Variants in TRPM3 observed in about 807,000 individuals in gnomAD.
The protein encoded by TRPM3 is long transient receptor potential channel 3.
In TRPM3, 77 loss-of-function variants were observed where a neutral mutation model predicts 181.2. That is an observed-to-expected ratio of 0.42 (90% confidence interval 0.35 to 0.51). TRPM3 has a LOEUF of 0.51. TRPM3 is among the 20% of genes least tolerant of loss of function. TRPM3 has a pLI of 0.01. For missense variants in TRPM3, 1,759 were observed against 2,196.7 expected, an observed-to-expected ratio of 0.80 and a Z score of 3.98; for synonymous variants, 745 against 796.4, an observed-to-expected ratio of 0.94 and a Z score of 1.09.
intron 1 of TRPM3, among the ~76,000 whole-genome samples, chr9:71,267,773 C>T (rs1396332875): frequency 2.6e-5 from 4 of 152,172 alleles, no homozygotes; most frequent in South Asian, 2.1e-4. Flanking sequence ...ACATGACGGA[C>T]AATGGCCTTG....
intron 1 of TRPM3, among the ~76,000 whole-genome samples, chr9:71,051,948 C>T (rs1037100200): frequency 2.0e-5 from 3 of 151,836 alleles, no homozygotes; most frequent in Non-Finnish European, 2.9e-5. Flanking sequence ...GGGTTGTTTC[C>T]GTATCTCGAA....
chr9:71,316,677 C>T (rs1363473168), intron 1 of TRPM3, among the ~76,000 whole-genome samples: 2 of 152,052 alleles, frequency 1.3e-5, no homozygotes, highest in Admixed American at 6.6e-5. Flanking sequence ...GGATCCTCTC[C>T]CAGAGCCTGC....
chr9:71,013,402 C>A (rs1188640542), intron 1 of TRPM3, among the ~76,000 whole-genome samples: 1 of 151,102 alleles, frequency 6.6e-6, no homozygotes, highest in African/African-American at 2.4e-5. Context: ...TTTTTGTGTT[C>A]TCTTTATAAT....
In TRPM3 at chr9:71,252,847, C is replaced by CTCTTTTTTTTT. The variant is rs1554854926; in HGVS notation, c.183+193805_183+193806insAAAAAAAAAGA. Among the ~76,000 whole-genome samples, 255 of 84,758 alleles carry CTCTTTTTTTTT rather than the reference C, an allele frequency of 3.0e-3. 8 individuals carry two copies. The highest frequency in any genetic ancestry group is 0.012 in the African/African-American group (238 of 19,116). 55.6% of individuals were successfully genotyped at this position (84,758 alleles called of 152,430 possible). ...ACACCTCGCCTGGCTAATTTTGTCT[C>CTCTTTTTTTTT]TTTTTTTTTTTTTTTTTTTTTTAGA... On this transcript the variant is annotated intron_variant, in intron 1 of 24. Transcript: ENST00000357533.
intron 1 of TRPM3, among the ~76,000 whole-genome samples, chr9:70,890,595 C>T (rs890912309): frequency 6.6e-5 from 10 of 151,162 alleles, no homozygotes; most frequent in African/African-American, 1.5e-4. Flanking sequence ...AAACATATTT[C>T]GTAAATAAGA....
rs1045222989 is a variant in TRPM3 at position 71,264,116 on chromosome 9, C to T, written c.183+182537G>A. On this transcript the variant is annotated intron_variant, in intron 1 of 24. Transcript: ENST00000357533. ...CCACTCTCACCTATTCTTATTAATC[C>T]TTACCCCTGATCTAGCCCACACAAT... Among the ~76,000 whole-genome samples, 4 of 152,074 alleles carry T rather than the reference C, an allele frequency of 2.6e-5. 1 individual carries two copies. The highest frequency in any genetic ancestry group is 2.6e-4 in the Admixed American group (4 of 15,276).
intron 22 of TRPM3, among the ~76,000 whole-genome samples, chr9:70,582,181 C>CGCGTGT (rs2055980138): frequency 6.7e-6 from 1 of 149,154 alleles, no homozygotes; most frequent in Admixed American, 6.7e-5. Context: ...CCACCCTGTG[C>CGCGTGT]GTGTGTGTGT....
intron 1 of TRPM3, among the ~76,000 whole-genome samples, chr9:71,412,163 A>G (rs566901916): frequency 6.6e-6 from 1 of 152,306 alleles, no homozygotes; most frequent in East Asian, 1.9e-4. Context: ...AAACCTAGGC[A>G]ATACCATTCA....
intron 1 of TRPM3, among the ~76,000 whole-genome samples, chr9:71,436,724 T>C (rs1563930567): frequency 6.6e-6 from 1 of 152,076 alleles, no homozygotes; most frequent in East Asian, 1.9e-4. Flanking sequence ...GGCAAGCAAA[T>C]AGATTTTCAT....
intron 8 of TRPM3, among the ~76,000 whole-genome samples, chr9:70,684,398 G>T (rs759101113): frequency 9.9e-5 from 15 of 152,128 alleles, no homozygotes; most frequent in Non-Finnish European, 1.9e-4. Flanking sequence ...AGTGACCCAG[G>T]GTGTGGGAGG....
intron 1 of TRPM3, among the ~76,000 whole-genome samples, chr9:70,888,663 G>T (rs1192600556): frequency 6.6e-6 from 1 of 152,086 alleles, no homozygotes; most frequent in East Asian, 1.9e-4. Flanking sequence ...CTGAGCCAGT[G>T]ATAGTTCACT....
intron 1 of TRPM3, among the ~76,000 whole-genome samples, chr9:71,337,255 T>G (rs2090624590): frequency 6.6e-6 from 1 of 151,950 alleles, no homozygotes; most frequent in Admixed American, 6.6e-5. Context: ...AACAACCCCA[T>G]CAAAAAATGG....
intron 1 of TRPM3, among the ~76,000 whole-genome samples, chr9:71,406,575 G>C (rs534690406): frequency 1.8e-4 from 27 of 152,144 alleles, no homozygotes; most frequent in African/African-American, 5.5e-4. Context: ...TTTTTAAATA[G>C]AGAAAATAGA....
intron 1 of TRPM3, among the ~76,000 whole-genome samples, chr9:71,343,739 A>G (rs1055463713): frequency 7.2e-5 from 11 of 152,162 alleles, no homozygotes; most frequent in Non-Finnish European, 1.6e-4. Flanking sequence ...GGTTTCTAAC[A>G]TAGAATTTCC....
chr9:71,028,530 A>G (rs1047411747), intron 1 of TRPM3, among the ~76,000 whole-genome samples: 1 of 152,174 alleles, frequency 6.6e-6, no homozygotes, highest in Non-Finnish European at 1.5e-5. Context: ...AGTTACATAA[A>G]TAACCAAAAC....
intron 1 of TRPM3, among the ~76,000 whole-genome samples, chr9:71,279,367 C>A (rs572799022): frequency 6.6e-6 from 1 of 152,148 alleles, no homozygotes; most frequent in Non-Finnish European, 1.5e-5. Context: ...TACTGACGTT[C>A]TCCAGGGCAA....
At chr9:71,055,059 AAACAAGTG>A (rs1403299902) in intron 1 of TRPM3, among the ~76,000 whole-genome samples, 1 of 152,090 alleles carries the variant, frequency 6.6e-6, no homozygotes. Flanking sequence ...GGTTCATTGG[AAACAAGTG>A]AGGAAGTGAG....
intron 9 of TRPM3, among the ~76,000 whole-genome samples, chr9:70,672,249 T>C (rs1203846896): frequency 6.6e-6 from 1 of 152,138 alleles, no homozygotes; most frequent in Non-Finnish European, 1.5e-5. Context: ...GGGATGGGCA[T>C]GGATCCAAGA....
intron 1 of TRPM3, among the ~76,000 whole-genome samples, chr9:71,268,458 A>G (rs1252348871): frequency 6.6e-6 from 1 of 152,172 alleles, no homozygotes; most frequent in East Asian, 1.9e-4. Flanking sequence ...ATAAAATTAA[A>G]CAACTATAGT....
Sources: gnomAD v4.1 joint callset for allele counts (sites outside exome capture counted in the v4.1 genomes callset) on GRCh38, gnomAD v4.1.1 for gene constraint, MANE v1.5 for transcripts, NCBI Gene and HGNC (gene_info 2026-07-23, HGNC 2026-07-21) for gene names.